SLC2A13: variants seen among roughly 807,000 people sequenced by gnomAD.
SLC2A13 encodes the protein proton myo-inositol cotransporter.
Under a neutral mutation model 64.4 loss-of-function variants are expected in SLC2A13, and 32 were observed. That is an observed-to-expected ratio of 0.50 (90% confidence interval 0.37 to 0.67). The LOEUF is 0.67. Ranked by LOEUF, SLC2A13 falls within the 30% of genes least tolerant of loss-of-function variation. The pLI is 0.00. For missense variants in SLC2A13, 743 were observed against 829.2 expected, an observed-to-expected ratio of 0.90 and a Z score of 1.28; for synonymous variants, 338 against 327.1, an observed-to-expected ratio of 1.03 and a Z score of -0.36.
chr12:39,987,544 T>C (rs1947052044), intron 3 of SLC2A13, among the ~76,000 whole-genome samples: 1 of 152,182 alleles, frequency 6.6e-6, no homozygotes, highest in Non-Finnish European at 1.5e-5. Context: ...CTGCATCCTT[T>C]GAGATATTCA....
At chr12:39,824,779 G>C (rs949152914) in intron 7 of SLC2A13, among the ~76,000 whole-genome samples, 33 of 152,132 alleles carry the variant, frequency 2.2e-4, no homozygotes, top group African/African-American at 8.0e-4. Flanking sequence ...GCAGGAGATA[G>C]AATAAGCATT....
intron 7 of SLC2A13, among the ~76,000 whole-genome samples, chr12:39,768,777 T>G (rs1470678626): frequency 1.3e-5 from 2 of 151,868 alleles, no homozygotes; most frequent in African/African-American, 4.8e-5. Flanking sequence ...TGAAATAATG[T>G]GAGAATTACC....
chr12:40,042,077 GA>G (rs1218511869), intron 2 of SLC2A13, among the ~76,000 whole-genome samples: 31 of 152,240 alleles, frequency 2.0e-4, no homozygotes, highest in Non-Finnish European at 4.4e-5. Flanking sequence ...GGATACTCAG[GA>G]AAATCTCTCC....
intron 1 of SLC2A13, among the ~76,000 whole-genome samples, chr12:40,065,442 G>A (rs1038063386): frequency 2.6e-5 from 4 of 151,774 alleles, no homozygotes; most frequent in Admixed American, 1.3e-4. Flanking sequence ...AAAACTAGCT[G>A]GGCATGGTAG....
chr12:39,876,152 T>C (rs1302567192), intron 4 of SLC2A13, among the ~76,000 whole-genome samples: 1 of 152,160 alleles, frequency 6.6e-6, no homozygotes, highest in East Asian at 1.9e-4. Context: ...AGTTGAAAGG[T>C]TTGCAACTCT....
At chr12:40,061,259 AC>A (rs1245433734) in intron 1 of SLC2A13, among the ~76,000 whole-genome samples, 1 of 152,144 alleles carries the variant, frequency 6.6e-6, no homozygotes, top group African/African-American at 2.4e-5. Flanking sequence ...AATCAAATGT[AC>A]CAAGTAAAAA....
rs1437202964 is a variant in SLC2A13 at position 39,782,171 on chromosome 12, A to G, written c.1446-17313T>C. Among the ~76,000 whole-genome samples, 5 of 152,322 alleles carry G rather than the reference A, an allele frequency of 3.3e-5. No individual in the cohort carries two copies. The East Asian group carries it at 7.7e-4, about 23-fold the overall frequency. Reference sequence around the variant, plus strand: ...AAGGAAGTCTTGCTATGCTTTTATTACAAAGTAAGAGGCAGTCTGCTGTTA... The same window carrying G: ...AAGGAAGTCTTGCTATGCTTTTATTGCAAAGTAAGAGGCAGTCTGCTGTTA... On this transcript the variant is annotated intron_variant, in intron 7 of 9. Transcript: ENST00000280871.
intron 4 of SLC2A13, among the ~76,000 whole-genome samples, chr12:39,879,232 C>T (rs1041662178): frequency 1.3e-5 from 2 of 152,242 alleles, no homozygotes; most frequent in African/African-American, 2.4e-5. Context: ...CAGAGAACCC[C>T]TACTAGGGAA....
intron 3 of SLC2A13, among the ~76,000 whole-genome samples, chr12:39,964,099 C>T (rs961493622): frequency 1.3e-5 from 2 of 152,066 alleles, no homozygotes; most frequent in African/African-American, 4.8e-5. Flanking sequence ...GCATGATTCT[C>T]AGAAAATCAT....
At chr12:40,001,851 T>A (rs369655417) in intron 3 of SLC2A13, among the ~76,000 whole-genome samples, 1 of 152,250 alleles carries the variant, frequency 6.6e-6, no homozygotes, top group Non-Finnish European at 1.5e-5. Context: ...CAATGAAAAT[T>A]TTAGAAGCAG....
At chr12:39,955,410 G>A (rs1187059173) in intron 3 of SLC2A13, among the ~76,000 whole-genome samples, 8 of 152,020 alleles carry the variant, frequency 5.3e-5, no homozygotes, top group African/African-American at 1.2e-4. Flanking sequence ...AAAGACAGAC[G>A]AGTGAAACCC....
intron 5 of SLC2A13, among the ~76,000 whole-genome samples, chr12:39,870,784 GAACAGGAGGTGAA>G (rs1409731561): frequency 6.6e-6 from 1 of 152,188 alleles, no homozygotes; most frequent in Non-Finnish European, 1.5e-5. Flanking sequence ...GCTTAGGCAA[GAACAGGAGGTGAA>G]AGCGTTCTAC....
intron 5 of SLC2A13, among the ~76,000 whole-genome samples, chr12:39,868,721 T>G (rs1486782828): frequency 1.3e-5 from 2 of 152,138 alleles, no homozygotes; most frequent in Non-Finnish European, 2.9e-5. Flanking sequence ...TCTTCCAATA[T>G]TAAAGAATCA....
intron 1 of SLC2A13, among the ~76,000 whole-genome samples, chr12:40,066,829 G>C (rs563851608): frequency 3.6e-4 from 55 of 152,110 alleles, no homozygotes; most frequent in Non-Finnish European, 5.9e-4. Context: ...TTCATGAAAA[G>C]ATAACAGAGC....
intron 7 of SLC2A13, among the ~76,000 whole-genome samples, chr12:39,806,817 G>A (rs1941990428): frequency 6.6e-6 from 1 of 152,190 alleles, no homozygotes; most frequent in African/African-American, 2.4e-5. Flanking sequence ...GTTAAAATTG[G>A]AAACAACCCA....
rs1944854779 is a variant in SLC2A13, at chr12:39,896,269, T to C, written c.1035-24308A>G. Among the ~76,000 whole-genome samples, 13 of 135,940 alleles carry C rather than the reference T, an allele frequency of 9.6e-5. No homozygotes were observed. In the Admixed American group the frequency reaches 9.6e-4, roughly 10 times the overall value. The allele number at this position is 135,940 out of a possible 152,430, so 89.2% of individuals were successfully genotyped here. ...GTATACATGTATGTATATGTGTGTA[T>C]ATATGTATACATGTATGTATATGTG... is the stretch of plus-strand genomic sequence containing the variant. On this transcript the variant is annotated intron_variant, in intron 4 of 9. Coordinates refer to ENST00000280871, the MANE Select transcript of SLC2A13 (RefSeq NM_052885.4).
chr12:39,984,114 G>T (rs1946979297), intron 3 of SLC2A13, among the ~76,000 whole-genome samples: 1 of 151,340 alleles, frequency 6.6e-6, no homozygotes, highest in African/African-American at 2.4e-5. Context: ...TCACTCATAG[G>T]TGGGAACTGA....
chr12:40,053,529 A>G lies in SLC2A13; in HGVS notation c.557-5319T>C, dbSNP rs569000956. ...TTTGGAAATGTCTTAGAAACATTTT[A>G]TTTTTGACCTTCTTACTTTGACTAG... On this transcript the variant is annotated intron_variant, in intron 1 of 9. Transcript: ENST00000280871. Among the ~76,000 whole-genome samples the G allele has an allele frequency of 2.6e-5, 4 of 152,218 alleles. No homozygotes were observed. In the South Asian group the frequency reaches 8.3e-4, roughly 32 times the overall value.
intron 3 of SLC2A13, among the ~76,000 whole-genome samples, chr12:40,008,191 C>T (rs1333308955): frequency 3.9e-5 from 6 of 152,110 alleles, no homozygotes; most frequent in Non-Finnish European, 7.3e-5. Flanking sequence ...ATTCTCTTAT[C>T]TGAAATTCTG....
Sources: gnomAD v4.1 joint callset for allele counts (sites outside exome capture counted in the v4.1 genomes callset) on GRCh38, gnomAD v4.1.1 for gene constraint, MANE v1.5 for transcripts, NCBI Gene and HGNC (gene_info 2026-07-23, HGNC 2026-07-21) for gene names.